Variants in RUNX1 observed in about 807,000 individuals in gnomAD.
RUNX1 encodes the protein runt-related transcription factor 1.
Under a neutral mutation model 42.8 loss-of-function variants are expected in RUNX1, and 19 were observed. The observed-to-expected ratio is 0.44, with a 90% CI of 0.31 to 0.65. RUNX1 has a LOEUF of 0.65. Ranked by LOEUF, RUNX1 falls within the 30% of genes least tolerant of loss-of-function variation. The probability of loss-of-function intolerance (pLI) is 0.07; values close to 1 mark genes in which losing one functional copy is unlikely to be tolerated. For missense variants in RUNX1, 528 were observed against 672.0 expected (o/e 0.79, Z 2.37); for synonymous variants, 271 against 289.4 (o/e 0.94, Z 0.64).
chr21:34,967,495 T>G (rs2058730119), intron 2 of RUNX1, among the ~76,000 whole-genome samples: 1 of 150,848 alleles, frequency 6.6e-6, no homozygotes, highest in South Asian at 2.1e-4. Context: ...GAACACAGGA[T>G]CTCAGTGTTG....
chr21:34,792,178 G>A lies in RUNX1; in HGVS notation c.1400C>T (p.Ala467Val), dbSNP rs1442794209. The A allele has an allele frequency of 6.5e-7, 1 of 1,530,580 alleles. No individual in the cohort carries two copies. The highest frequency in any genetic ancestry group is 8.7e-7 in the Non-Finnish European group (1 of 1,145,500). The allele number at this position is 1,530,580 out of a possible 1,614,324, so 94.8% of individuals were successfully genotyped here. ...GGCCTCCTCCAGGCGCGCGGAGGGC[G>A]CCATGTTGGTGGGGGAGTTGCTGTG... ...GSHSNSPTNM[A>V]PSARLEEAVW... The change falls in exon 9 of 9, where the codon GCG (alanine) becomes GTG (valine). Residue 467 changes from alanine (A) to valine (V), a missense_variant. Physicochemically the swap from Ala to Val is moderately conservative, Grantham distance 64. Around this residue, in one of 3 missense-constraint regions of RUNX1, gnomAD observed 331 missense variants for 382.5 expected, o/e 0.87. Coordinates refer to ENST00000675419, the MANE Select transcript of RUNX1 (RefSeq NM_001754.5). The surrounding 1 kb of genome is among the most constrained non-coding windows in gnomAD (Gnocchi z 6.9).
chr21:34,790,864 A>G lies in RUNX1; in HGVS notation c.*1271T>C, dbSNP rs2056425525. ...TCCTATGTAAATGTGGCTCCCCTAC[A>G]CAGTTTACTTTGGCTGTGTTCTGTT... On this transcript the variant is annotated 3_prime_UTR_variant, in exon 9 of 9. Transcript: ENST00000675419. 4.3e-6 allele frequency: 1 copy of G among 233,286 alleles called. No homozygotes were observed. The highest frequency in any genetic ancestry group is 6.0e-5 in the East Asian group (1 of 16,588). 14.5% of individuals were successfully genotyped at this position (233,286 alleles called of 1,614,324 possible).
chr21:34,834,768 G>T (rs529365296), intron 6 of RUNX1, among the ~76,000 whole-genome samples, 167 bp from the exon 7 acceptor site: 39 of 152,098 alleles, frequency 2.6e-4, no homozygotes, highest in African/African-American at 8.9e-4. Flanking sequence ...CTGAATTTGG[G>T]GCCACTGTCC....
intron 4 of RUNX1, 108 bp from the exon 5 acceptor site, chr21:34,880,821 CT>C (rs1180462854): frequency 1.7e-6 from 2 of 1,162,980 alleles, no homozygotes; most frequent in African/African-American, 3.1e-5. Context: ...TCAATGATTT[CT>C]TTTTAGGTTG....
chr21:34,794,272 G>A lies in RUNX1; in HGVS notation c.968-1662C>T, dbSNP rs768558351. Among the ~76,000 whole-genome samples the A allele has an allele frequency of 4.0e-5, 6 of 151,868 alleles. No homozygotes were observed. The South Asian group carries it at 6.2e-4, about 16-fold the overall frequency. On this transcript the variant is annotated intron_variant, in intron 8 of 8. Coordinates refer to ENST00000675419, the MANE Select transcript of RUNX1 (RefSeq NM_001754.5). ...AAAATTGCCATTTTTATAGGCCTTC[G>A]ACAGTTGAAAAATTGATAATTTCCT...
At chr21:34,937,368 T>A (rs1178811496) in intron 2 of RUNX1, among the ~76,000 whole-genome samples, 1 of 144,894 alleles carries the variant, frequency 6.9e-6, no homozygotes, top group Admixed American at 6.9e-5. Context: ...GAGCTGGAAC[T>A]CCTCCAGTGA....
chr21:34,977,177 C>T (rs1292172307), intron 2 of RUNX1, among the ~76,000 whole-genome samples: 1 of 152,094 alleles, frequency 6.6e-6, no homozygotes, highest in African/African-American at 2.4e-5. Flanking sequence ...CAAAATTATC[C>T]ATTTTGTCTT....
intron 4 of RUNX1, among the ~76,000 whole-genome samples, chr21:34,884,395 T>A: frequency 6.6e-6 from 1 of 152,240 alleles, no homozygotes; most frequent in Non-Finnish European, 1.5e-5. Context: ...TTCATCAATA[T>A]CATCAGGCCT....
At chr21:34,827,605 T>C (rs984932888) in intron 7 of RUNX1, among the ~76,000 whole-genome samples, 1 of 152,134 alleles carries the variant, frequency 6.6e-6, no homozygotes, top group Non-Finnish European at 1.5e-5. Context: ...GGTAGAATGA[T>C]TTTAGGGGAC....
At chr21:34,861,926 A>G (rs998347891) in intron 5 of RUNX1, among the ~76,000 whole-genome samples, 6 of 152,206 alleles carry the variant, frequency 3.9e-5, no homozygotes, top group African/African-American at 1.4e-4. Flanking sequence ...CTAGTCTCCC[A>G]GAAGGTGGGG....
chr21:34,909,704 A>G lies in RUNX1; in HGVS notation c.59-16741T>C, dbSNP rs2058257146. On this transcript the variant is annotated intron_variant, in intron 2 of 8. Transcript: ENST00000675419. Reference sequence around the variant, plus strand: ...AGGCAAGTCCCCCGGGTCTCTGGCTACAGAGGGCCATCCTCCATGAGAGAT... The same window carrying G: ...AGGCAAGTCCCCCGGGTCTCTGGCTGCAGAGGGCCATCCTCCATGAGAGAT... Among the ~76,000 whole-genome samples, 3 of 151,220 alleles carry G rather than the reference A, an allele frequency of 2.0e-5. No individual in the cohort carries two copies. The South Asian group carries it at 6.3e-4, about 32-fold the overall frequency.
intron 2 of RUNX1, among the ~76,000 whole-genome samples, chr21:35,042,050 A>C (rs982968141): frequency 3.3e-5 from 5 of 152,194 alleles, no homozygotes; most frequent in African/African-American, 1.2e-4. Context: ...ACCTCACAGC[A>C]AGGTGTGGTG....
chr21:34,896,834 A>G (rs904530727), intron 2 of RUNX1, among the ~76,000 whole-genome samples: 2 of 152,316 alleles, frequency 1.3e-5, no homozygotes, highest in Admixed American at 1.3e-4. Context: ...CCTTTGCCAA[A>G]GGAGCTTCAG....
intron 2 of RUNX1, among the ~76,000 whole-genome samples, chr21:35,013,557 A>G (rs1018328063): frequency 6.6e-6 from 1 of 152,220 alleles, no homozygotes; most frequent in Non-Finnish European, 1.5e-5. Context: ...AAAAAAAATA[A>G]TAAAACAAAG....
chr21:34,895,478 CTGGTGGGCTCAGGAAAGACTTCCTT>C (rs767454014), intron 2 of RUNX1, among the ~76,000 whole-genome samples: 5 of 152,162 alleles, frequency 3.3e-5, no homozygotes, highest in Non-Finnish European at 5.9e-5. Flanking sequence ...CCAACAGCCC[CTGGTGGGCTCAGGAAAGACTTCCTT>C]CCTAGCAGAG....
Position 34,974,951 on chromosome 21 carries a change from C to T in RUNX1, c.58+73891G>A, listed in dbSNP as rs549540549. ...GAAATTTTAACTTATTAAGTTCTCACCGTATTTTATAGATGTGGAAACTAG... is the reference window on the plus strand; with the variant it reads ...GAAATTTTAACTTATTAAGTTCTCATCGTATTTTATAGATGTGGAAACTAG... On this transcript the variant is annotated intron_variant, in intron 2 of 8. Coordinates refer to ENST00000675419, the MANE Select transcript of RUNX1 (RefSeq NM_001754.5). Among the ~76,000 whole-genome samples the T allele has an allele frequency of 1.1e-3, 174 of 152,168 alleles. 1 individual carries two copies. Among genetic ancestry groups the T allele is most frequent in the African/African-American group, 4.0e-3 (166 of 41,486 alleles).
intron 2 of RUNX1, among the ~76,000 whole-genome samples, chr21:34,969,933 G>T (rs1393298679): frequency 6.6e-6 from 1 of 152,192 alleles, no homozygotes; most frequent in Non-Finnish European, 1.5e-5. Context: ...TACAAGGTAT[G>T]GATCATATCT....
intron 8 of RUNX1, among the ~76,000 whole-genome samples, 169 bp downstream of exon 8, chr21:34,799,132 T>A (rs2056571984): frequency 6.6e-6 from 1 of 152,218 alleles, no homozygotes; most frequent in Non-Finnish European, 1.5e-5. Context: ...TCTCTGCCTC[T>A]TATGTATCCA....
chr21:34,986,328 G>C (rs1161931575), intron 2 of RUNX1, among the ~76,000 whole-genome samples: 2 of 151,832 alleles, frequency 1.3e-5, no homozygotes, highest in Non-Finnish European at 2.9e-5. Context: ...AAGTTGAAAG[G>C]TCAAGATTCA....
Sources: allele counts gnomAD v4.1 joint callset (sites outside exome capture counted in the v4.1 genomes callset), GRCh38; gene constraint gnomAD v4.1.1; regional missense constraint gnomAD v4.1.1; non-coding constraint Gnocchi (gnomAD v3.1); transcripts MANE v1.5; gene names NCBI Gene and HGNC (gene_info 2026-07-23, HGNC 2026-07-21).